MTUS1: variants seen among roughly 807,000 people sequenced by gnomAD.
The protein encoded by MTUS1 is microtubule associated scaffold protein 1.
Under a neutral mutation model 120.8 loss-of-function variants are expected in MTUS1, and 109 were observed. The ratio of observed to expected loss-of-function variants is 0.90; its 90% CI spans 0.77 to 1.06. The LOEUF (loss-of-function observed/expected upper bound fraction) is 1.06. Ranked by LOEUF, MTUS1 falls within the 50% of genes least tolerant of loss-of-function variation. MTUS1 has a pLI of 0.00. For missense variants in MTUS1, 2,210 were observed against 1,486.3 expected, an observed-to-expected ratio of 1.49 and a Z score of -8.01; for synonymous variants, 737 against 550.5, an observed-to-expected ratio of 1.34 and a Z score of -4.74.
chr8:17,656,421 G>C (rs541086209), intron 8 of MTUS1, among the ~76,000 whole-genome samples: 1 of 151,828 alleles, frequency 6.6e-6, no homozygotes, highest in African/African-American at 2.4e-5. Context: ...CCAGCTACTC[G>C]GGAGGGTGAG....
rs551341181 is a variant in MTUS1, at chr8:17,742,646, C to A, written c.2287+958G>T. On this transcript the variant is annotated intron_variant, in intron 3 of 14. Transcript: ENST00000693296. ...TGTGGTCATGTCTCCTTGACCTTGA[C>A]ACTAGGCCTGAATCTAAATAAACAG... 3.3e-5 allele frequency among the ~76,000 whole-genome samples: 5 copies of A among 152,216 alleles called. No individual in the cohort carries two copies. The South Asian group carries it at 1.0e-3, about 32-fold the overall frequency.
At chr8:17,717,324 TG>T (rs1317890374) in intron 4 of MTUS1, among the ~76,000 whole-genome samples, 1 of 152,164 alleles carries the variant, frequency 6.6e-6, no homozygotes, top group African/African-American at 2.4e-5. Context: ...AGGAAGCTAA[TG>T]GGAGTGACAG....
chr8:17,774,647 C>T (rs550508616), intron 1 of MTUS1, among the ~76,000 whole-genome samples: 5 of 152,220 alleles, frequency 3.3e-5, no homozygotes, highest in African/African-American at 1.2e-4. Context: ...GTGGAAATGT[C>T]AAGTGGTGCA....
chr8:17,772,609 AG>A (rs555676651), intron 1 of MTUS1, among the ~76,000 whole-genome samples: 24 of 152,356 alleles, frequency 1.6e-4, no homozygotes, highest in African/African-American at 5.5e-4. Flanking sequence ...GTACTCTAGT[AG>A]GTTGTTGCAA....
intron 8 of MTUS1, among the ~76,000 whole-genome samples, chr8:17,673,402 G>C (rs943455156): frequency 6.6e-6 from 1 of 152,144 alleles, no homozygotes; most frequent in Non-Finnish European, 1.5e-5. Context: ...GAATCTGGAC[G>C]GTTAGTCAGG....
intron 10 of MTUS1, 77 bp downstream of exon 10, chr8:17,654,484 G>C (rs1355808435): frequency 4.8e-6 from 5 of 1,044,078 alleles, no homozygotes; most frequent in Admixed American, 3.8e-5. Context: ...AGGAAGTTAT[G>C]AATCATTTCC....
intron 6 of MTUS1, among the ~76,000 whole-genome samples, chr8:17,709,433 A>G (rs1820826303): frequency 6.6e-6 from 1 of 151,920 alleles, no homozygotes; most frequent in African/African-American, 2.4e-5. Context: ...CAGGTTTTTT[A>G]TTTTATTTTT....
At position 17,781,483 on chromosome 8, in the gene MTUS1, G is replaced by A. The variant is rs144435793; in HGVS notation, c.-155+19578C>T. Among the ~76,000 whole-genome samples the A allele has an allele frequency of 6.9e-4, 105 of 152,230 alleles. No individual in the cohort carries two copies. In the East Asian group the frequency reaches 0.016, roughly 23 times the overall value. On this transcript the variant is annotated intron_variant, in intron 1 of 14. Transcript: ENST00000693296. Reference sequence around the variant, plus strand: ...AGGAAACAAGACATGTTACTGTTTCGATTCCTCTGAATGACAGTGATTAAT... The same window carrying A: ...AGGAAACAAGACATGTTACTGTTTCAATTCCTCTGAATGACAGTGATTAAT...
intron 8 of MTUS1, among the ~76,000 whole-genome samples, chr8:17,665,937 T>C (rs1810804235): frequency 6.6e-6 from 1 of 152,012 alleles, no homozygotes; most frequent in Non-Finnish European, 1.5e-5. Context: ...CTGTCTTCCA[T>C]CTCCATCTTG....
intron 1 of MTUS1, among the ~76,000 whole-genome samples, chr8:17,765,425 T>A (rs1178070461): frequency 1.3e-5 from 2 of 152,002 alleles, no homozygotes; most frequent in Admixed American, 1.3e-4. Flanking sequence ...GGTCAGGAGT[T>A]CAAGACCAGC....
At chr8:17,771,986 C>T (rs1210507137) in intron 1 of MTUS1, among the ~76,000 whole-genome samples, 1 of 152,176 alleles carries the variant, frequency 6.6e-6, no homozygotes, top group Non-Finnish European at 1.5e-5. Flanking sequence ...AGATGATGGC[C>T]ATGGTGGCCC....
At chr8:17,741,295 G>C (rs896777803) in intron 3 of MTUS1, among the ~76,000 whole-genome samples, 4 of 152,118 alleles carry the variant, frequency 2.6e-5, no homozygotes, top group African/African-American at 9.7e-5. Context: ...CAATCACATT[G>C]CAGGTTGGGG....
chr8:17,721,614 A>C, intron 4 of MTUS1: 1 of 1,375,030 alleles, frequency 7.3e-7, no homozygotes, highest in South Asian at 1.6e-5. Context: ...CATAAATTAC[A>C]AGTTACAAAA....
At chr8:17,684,887 GA>G (rs1164756782) in intron 6 of MTUS1, among the ~76,000 whole-genome samples, 3 of 152,270 alleles carry the variant, frequency 2.0e-5, no homozygotes, top group African/African-American at 7.2e-5. Context: ...AACCTTGACT[GA>G]AGAGAAGCCT....
intron 7 of MTUS1, among the ~76,000 whole-genome samples, chr8:17,678,069 C>T (rs1813481560): frequency 6.6e-6 from 1 of 152,120 alleles, no homozygotes; most frequent in African/African-American, 2.4e-5. Context: ...AAACCAAGGG[C>T]TTTAAATACC....
At chr8:17,751,766 G>T (rs1333914700) in intron 2 of MTUS1, among the ~76,000 whole-genome samples, 1 of 151,054 alleles carries the variant, frequency 6.6e-6, no homozygotes, top group Non-Finnish European at 1.5e-5. Flanking sequence ...GCTGAGGCAG[G>T]AGAATTGCTT....
chr8:17,654,673 G>A lies in MTUS1; in HGVS notation c.3109-7C>T, dbSNP rs1807813674. The A allele has an allele frequency of 6.2e-7, 1 of 1,605,450 alleles. No homozygotes were observed. ...CAGCATTTAAGTTGTCAAACTGTAA[G>A]CAACAAACAAAACCGTGGTTTAACA... On this transcript the variant is annotated splice_polypyrimidine_tract_variant and splice_region_variant and intron_variant, in intron 9 of 14. Coordinates refer to ENST00000693296, the MANE Select transcript of MTUS1 (RefSeq NM_001363059.2).
At chr8:17,674,958 G>A (rs1210259886) in intron 8 of MTUS1, 6 of 1,278,722 alleles carry the variant, frequency 4.7e-6, no homozygotes, top group Non-Finnish European at 5.9e-6. Context: ...TTGCTCATCA[G>A]AAGTTCTGCT....
chr8:17,694,581 T>G (rs1009770328), intron 6 of MTUS1, among the ~76,000 whole-genome samples: 1 of 151,966 alleles, frequency 6.6e-6, no homozygotes, highest in Non-Finnish European at 1.5e-5. Context: ...GGCAGCAGAA[T>G]TGCTTGAACC....
Sources: allele counts gnomAD v4.1 joint callset (sites outside exome capture counted in the v4.1 genomes callset), GRCh38; gene constraint gnomAD v4.1.1; transcripts MANE v1.5; gene names NCBI Gene and HGNC (gene_info 2026-07-23, HGNC 2026-07-21).